TMEM123: variants seen among roughly 807,000 people sequenced by gnomAD.
TMEM123 encodes transmembrane protein 123, also known as porimin.
In TMEM123, 16 loss-of-function variants were observed where a neutral mutation model predicts 19.7. The observed-to-expected ratio is 0.81, with a 90% CI of 0.55 to 1.23. The LOEUF is 1.23. Ranked by LOEUF, TMEM123 falls within the 50% of genes most tolerant of loss-of-function variation. The probability of loss-of-function intolerance (pLI) is 0.00; values close to 1 mark genes in which losing one functional copy is unlikely to be tolerated. For missense variants in TMEM123, 313 were observed against 257.8 expected, an observed-to-expected ratio of 1.21 and a Z score of -1.47; for synonymous variants, 118 against 99.4, an observed-to-expected ratio of 1.19 and a Z score of -1.12.
intron 2 of TMEM123, among the ~76,000 whole-genome samples, chr11:102,413,807 GTCT>G (rs770839393): frequency 4.6e-5 from 7 of 152,176 alleles, no homozygotes; most frequent in Non-Finnish European, 8.8e-5. Flanking sequence ...AAGCTGCAGT[GTCT>G]TCTTACCTCC....
intron 2 of TMEM123, among the ~76,000 whole-genome samples, chr11:102,436,762 G>C (rs1041485276): frequency 7.9e-5 from 12 of 152,180 alleles, no homozygotes; most frequent in Non-Finnish European, 5.9e-5. Context: ...GAAGTCATGG[G>C]AATCTAGAGC....
intron 2 of TMEM123, among the ~76,000 whole-genome samples, chr11:102,424,515 C>G (rs1422870069): frequency 6.6e-6 from 1 of 152,060 alleles, no homozygotes; most frequent in Non-Finnish European, 1.5e-5. Flanking sequence ...GGCAAAACCC[C>G]ACATCTACTA....
At chr11:102,431,344 A>G (rs1285981795) in intron 2 of TMEM123, among the ~76,000 whole-genome samples, 1 of 152,238 alleles carries the variant, frequency 6.6e-6, no homozygotes, top group Non-Finnish European at 1.5e-5. Context: ...ATACATGTAG[A>G]ATAATTTAAT....
intron 2 of TMEM123, among the ~76,000 whole-genome samples, chr11:102,413,850 T>C (rs1387290617): frequency 6.6e-6 from 1 of 152,172 alleles, no homozygotes; most frequent in Non-Finnish European, 1.5e-5. Context: ...CCAGCAATGG[T>C]TCTTAATGAG....
chr11:102,398,376 C>CA lies in TMEM123; in HGVS notation c.*490_*491insT. 1 of 391,828 alleles carries CA rather than the reference C, an allele frequency of 2.6e-6. No individual in the cohort carries two copies. Among genetic ancestry groups the CA allele is most frequent in the Non-Finnish European group, 4.5e-6 (1 of 222,352 alleles). The allele number at this position is 391,828 out of a possible 1,614,324, so 24.3% of individuals were successfully genotyped here. A position where few individuals can be genotyped will look rare whatever the true frequency, so the allele number is the denominator to read the frequency against. ...ATGTTGATGTTTTTCTTAAATTATG[C>CA]TTCAGATCTAGTTTGATTGTATAAT... On this transcript the variant is annotated 3_prime_UTR_variant, in exon 5 of 5. Transcript: ENST00000398136.
At chr11:102,422,267 A>C (rs1473629605) in intron 2 of TMEM123, among the ~76,000 whole-genome samples, 3 of 152,152 alleles carry the variant, frequency 2.0e-5, no homozygotes, top group Non-Finnish European at 4.4e-5. Flanking sequence ...TGAGGTCAGG[A>C]GTTTGAGATC....
At chr11:102,431,883 T>TG in intron 2 of TMEM123, among the ~76,000 whole-genome samples, 1 of 152,296 alleles carries the variant, frequency 6.6e-6, no homozygotes, top group Non-Finnish European at 1.5e-5. Context: ...GGAGATCTGA[T>TG]GGTTTTTTAA....
chr11:102,427,672 A>AC (rs1168361680), intron 2 of TMEM123, among the ~76,000 whole-genome samples: 1 of 151,628 alleles, frequency 6.6e-6, no homozygotes, highest in Non-Finnish European at 1.5e-5. Context: ...CCCTGTCTCT[A>AC]CTAAAAAACA....
Position 102,414,675 on chromosome 11 carries a change from C to T in TMEM123, c.158-12469G>A, listed in dbSNP as rs181467776. ...AGGGAATCCATTACCACCAGACTTGCCTTAGAAGAGGTCCTTAAGAGAGGG... is the reference window on the plus strand; with the variant it reads ...AGGGAATCCATTACCACCAGACTTGTCTTAGAAGAGGTCCTTAAGAGAGGG... On this transcript the variant is annotated intron_variant, in intron 2 of 4. Coordinates refer to ENST00000398136, the MANE Select transcript of TMEM123 (RefSeq NM_052932.3). 4.6e-5 allele frequency among the ~76,000 whole-genome samples: 7 copies of T among 152,242 alleles called. No individual in the cohort carries two copies. In the East Asian group the frequency reaches 1.4e-3, roughly 29 times the overall value.
At chr11:102,449,820 C>T (rs149382957) in intron 1 of TMEM123, among the ~76,000 whole-genome samples, 105 of 152,340 alleles carry the variant, frequency 6.9e-4, no homozygotes, top group African/African-American at 2.4e-3. Context: ...ATCTAACCCT[C>T]TCAACAATTC....
chr11:102,443,735 A>G (rs1463922315), intron 2 of TMEM123, among the ~76,000 whole-genome samples: 1 of 152,166 alleles, frequency 6.6e-6, no homozygotes, highest in Non-Finnish European at 1.5e-5. Context: ...ATGGCAAAAG[A>G]AACTACCATC....
chr11:102,449,600 T>C (rs1857918511), intron 1 of TMEM123: 1 of 152,250 alleles, frequency 6.6e-6, no homozygotes, highest in Non-Finnish European at 1.5e-5. Context: ...TTGAAGGATT[T>C]ATCTTTACTT....
rs1179419896 is a variant in TMEM123, at chr11:102,397,785, G to GC, written c.*1081dup. On this transcript the variant is annotated 3_prime_UTR_variant, in exon 5 of 5. Transcript: ENST00000398136. ...AAAGAAAATATAGCATTTTCATCCT[G>GC]CAGGTTTAGTTGCCTGGGGGAAGTC... is the stretch of plus-strand genomic sequence containing the variant. 2 of 152,116 alleles carry GC rather than the reference G, an allele frequency of 1.3e-5. No homozygotes were observed. The highest frequency in any genetic ancestry group is 4.8e-5 in the African/African-American group (2 of 41,420). The allele number at this position is 152,116 out of a possible 1,614,324, so 9.4% of individuals were successfully genotyped here. A position where few individuals can be genotyped will look rare whatever the true frequency, so the allele number is the denominator to read the frequency against.
intron 2 of TMEM123, among the ~76,000 whole-genome samples, chr11:102,408,156 T>A (rs1484685666): frequency 1.3e-5 from 2 of 152,142 alleles, no homozygotes; most frequent in Non-Finnish European, 2.9e-5. Context: ...ACTAACATAA[T>A]TACAGGAAAA....
intron 1 of TMEM123, among the ~76,000 whole-genome samples, chr11:102,451,475 A>G (rs1435693825): frequency 6.6e-6 from 1 of 152,250 alleles, no homozygotes; most frequent in Non-Finnish European, 1.5e-5. Context: ...CAGAAAAAGC[A>G]AGTGTTGTGC....
intron 2 of TMEM123, among the ~76,000 whole-genome samples, chr11:102,438,924 C>A (rs1239465255): frequency 1.3e-5 from 2 of 152,174 alleles, no homozygotes; most frequent in Non-Finnish European, 2.9e-5. Flanking sequence ...TAGCAAATGG[C>A]ACACCAGGAG....
In TMEM123 at chr11:102,402,125, T is replaced by TCTGCC; in HGVS notation, c.238_239insGGCAG (p.Asp80GlyfsTer12). The TCTGCC allele has an allele frequency of 6.2e-7, 1 of 1,614,078 alleles. No homozygotes were observed. Among genetic ancestry groups the TCTGCC allele is most frequent in the Non-Finnish European group, 8.5e-7 (1 of 1,180,010 alleles). On this transcript the variant is annotated frameshift_variant, in exon 3 of 5. Coordinates refer to ENST00000398136, the MANE Select transcript of TMEM123 (RefSeq NM_052932.3). LOFTEE classifies it high-confidence loss of function. ...GGTGGTGACCGTTGTATTACTGGAG[T>TCTGCC]CTGAGGCAACTGAAGTTGGTGGTTT...
At chr11:102,441,198 T>C (rs897847804) in intron 2 of TMEM123, among the ~76,000 whole-genome samples, 1 of 152,288 alleles carries the variant, frequency 6.6e-6, no homozygotes, top group African/African-American at 2.4e-5. Context: ...GCGGACCTAA[T>C]AGACATCTAC....
chr11:102,424,260 A>G (rs1046286540), intron 2 of TMEM123, among the ~76,000 whole-genome samples: 1 of 152,248 alleles, frequency 6.6e-6, no homozygotes, highest in African/African-American at 2.4e-5. Flanking sequence ...ACTGTCTCAC[A>G]AGACTATGAT....
Sources: allele counts gnomAD v4.1 joint callset (sites outside exome capture counted in the v4.1 genomes callset), GRCh38; gene constraint gnomAD v4.1.1; transcripts MANE v1.5; gene names NCBI Gene and HGNC (gene_info 2026-07-23, HGNC 2026-07-21).